TMEFF2: variants seen among roughly 807,000 people sequenced by gnomAD.
TMEFF2 encodes tomoregulin-2.
Under a neutral mutation model 53.8 loss-of-function variants are expected in TMEFF2, and 28 were observed. That is an observed-to-expected ratio of 0.52 (90% CI 0.39 to 0.71). The LOEUF is 0.71. Among genes scored for constraint, TMEFF2 ranks in the 30% least tolerant of loss-of-function variants. TMEFF2 has a pLI of 0.00. For synonymous variants in TMEFF2, 162 were observed against 166.3 expected, an observed-to-expected ratio of 0.97 and a Z score of 0.20; for missense variants, 353 against 455.2, an observed-to-expected ratio of 0.78 and a Z score of 2.04.
intron 7 of TMEFF2, chr2:191,992,639 A>T (rs1045062734): frequency 2.0e-5 from 3 of 152,218 alleles, no homozygotes; most frequent in Non-Finnish European, 4.4e-5. Context: ...ATGACATATC[A>T]CAATATGGCT....
chr2:191,971,470 G>A (rs1043486177), intron 7 of TMEFF2, among the ~76,000 whole-genome samples: 9 of 152,184 alleles, frequency 5.9e-5, no homozygotes, highest in African/African-American at 2.2e-4. Context: ...AGAGTTGGGA[G>A]CGAAATATGA....
chr2:192,128,937 G>A (rs1444276020), intron 4 of TMEFF2, among the ~76,000 whole-genome samples: 1 of 152,312 alleles, frequency 6.6e-6, no homozygotes, highest in Non-Finnish European at 1.5e-5. Context: ...TGTGGCACAT[G>A]TGGTGCCTTT....
chr2:191,951,520 A>C (rs1426081910), intron 9 of TMEFF2, among the ~76,000 whole-genome samples: 3 of 152,162 alleles, frequency 2.0e-5, no homozygotes, highest in African/African-American at 7.2e-5. Context: ...CGAAAAATCA[A>C]AGGAAATGGG....
At chr2:192,065,330 G>A (rs565330215) in intron 4 of TMEFF2, among the ~76,000 whole-genome samples, 2 of 151,848 alleles carry the variant, frequency 1.3e-5, no homozygotes, top group African/African-American at 4.8e-5. Context: ...ATTAAATGCA[G>A]TATAAATGTG....
chr2:191,968,900 T>A (rs990355297), intron 7 of TMEFF2, among the ~76,000 whole-genome samples: 18 of 151,994 alleles, frequency 1.2e-4, no homozygotes, highest in African/African-American at 4.1e-4. Context: ...AAAAATAAAT[T>A]GAGTTTTTGG....
chr2:192,054,013 T>C (rs763563691), intron 5 of TMEFF2, among the ~76,000 whole-genome samples: 21 of 152,172 alleles, frequency 1.4e-4, no homozygotes, highest in Admixed American at 5.2e-4. Flanking sequence ...ATACATTTTA[T>C]TTAAACACTA....
intron 5 of TMEFF2, among the ~76,000 whole-genome samples, chr2:192,030,166 T>G (rs1687092863): frequency 1.3e-5 from 2 of 152,190 alleles, no homozygotes; most frequent in South Asian, 4.1e-4. Context: ...GTCAATAGTT[T>G]ATTCAGTAGA....
intron 7 of TMEFF2, among the ~76,000 whole-genome samples, chr2:191,960,925 A>G (rs560262433): frequency 1.3e-5 from 2 of 152,278 alleles, no homozygotes; most frequent in South Asian, 2.1e-4. Flanking sequence ...CGGTTAGATT[A>G]CTTCAGAGCT....
intron 2 of TMEFF2, 105 bp from the exon 3 acceptor site, chr2:192,184,588 T>G: frequency 1.4e-6 from 2 of 1,400,664 alleles, no homozygotes; most frequent in African/African-American, 2.8e-5. Context: ...TTGTCTTCAT[T>G]TTCAATGATT....
In TMEFF2 at chr2:192,093,388, T is replaced by A. The variant is rs560603293; in HGVS notation, c.440-35613A>T. On this transcript the variant is annotated intron_variant, in intron 4 of 9. Transcript: ENST00000272771. Reference sequence around the variant, plus strand: ...AATTCTGTTTCTATGTTCTTATAAATTATTTGTCCACAAAAGAGCGTTCAT... The same window carrying A: ...AATTCTGTTTCTATGTTCTTATAAAATATTTGTCCACAAAAGAGCGTTCAT... Among the ~76,000 whole-genome samples, 66 of 145,882 alleles carry A rather than the reference T, an allele frequency of 4.5e-4. 1 individual carries two copies. The highest frequency in any genetic ancestry group is 3.7e-3 in the Admixed American group (53 of 14,412).
At chr2:192,140,489 A>G (rs1690110843) in intron 4 of TMEFF2, among the ~76,000 whole-genome samples, 1 of 150,334 alleles carries the variant, frequency 6.7e-6, no homozygotes, top group Non-Finnish European at 1.5e-5. Context: ...TCATTCACAC[A>G]GTATTCTGCT....
intron 4 of TMEFF2, among the ~76,000 whole-genome samples, chr2:192,114,670 TTC>T (rs1197671024): frequency 1.3e-5 from 2 of 151,926 alleles, no homozygotes; most frequent in African/African-American, 4.8e-5. Context: ...AAGAAAACAA[TTC>T]TGTTTACAGT....
chr2:192,112,150 T>G (rs1033569937), intron 4 of TMEFF2, among the ~76,000 whole-genome samples: 1 of 152,132 alleles, frequency 6.6e-6, no homozygotes, highest in Non-Finnish European at 1.5e-5. Context: ...ACCATCATCC[T>G]CCAGACCCCA....
At chr2:191,951,872 A>G (rs1197271162) in intron 9 of TMEFF2, among the ~76,000 whole-genome samples, 1 of 151,966 alleles carries the variant, frequency 6.6e-6, no homozygotes, top group Admixed American at 6.5e-5. Context: ...GACAGGTTTT[A>G]TTTTATTATA....
intron 4 of TMEFF2, among the ~76,000 whole-genome samples, chr2:192,114,107 T>TGTGTGTGTGTGTGA (rs1319260635): frequency 7.1e-6 from 1 of 141,050 alleles, no homozygotes; most frequent in African/African-American, 2.6e-5. Context: ...TGTGTGTGTG[T>TGTGTGTGTGTGTGA]GATAGCCCTT....
At chr2:191,999,495 T>G (rs1686305372) in intron 5 of TMEFF2, among the ~76,000 whole-genome samples, 2 of 151,990 alleles carry the variant, frequency 1.3e-5, no homozygotes, top group Admixed American at 6.6e-5. Context: ...GTACATAAAT[T>G]TCCATGCTGA....
chr2:192,051,737 A>G (rs543537343), intron 5 of TMEFF2, among the ~76,000 whole-genome samples: 9 of 152,332 alleles, frequency 5.9e-5, no homozygotes, highest in African/African-American at 2.2e-4. Context: ...CAGGTTGCCA[A>G]TAACACACAA....
chr2:192,133,919 C>T (rs200469341), intron 4 of TMEFF2, among the ~76,000 whole-genome samples: 4 of 151,692 alleles, frequency 2.6e-5, no homozygotes, highest in African/African-American at 4.8e-5. Flanking sequence ...ACCTCAATCC[C>T]TTACAAAACA....
intron 4 of TMEFF2, among the ~76,000 whole-genome samples, chr2:192,117,172 A>G (rs1234634828): frequency 1.3e-5 from 2 of 152,166 alleles, no homozygotes; most frequent in African/African-American, 4.8e-5. Context: ...AGACTGTTTC[A>G]GAAATCTTCC....
Sources: gnomAD v4.1 joint callset for allele counts (sites outside exome capture counted in the v4.1 genomes callset) on GRCh38, gnomAD v4.1.1 for gene constraint, MANE v1.5 for transcripts, NCBI Gene and HGNC (gene_info 2026-07-23, HGNC 2026-07-21) for gene names.